EPS8L1: variants seen among roughly 807,000 people sequenced by gnomAD.
EPS8L1 encodes epidermal growth factor receptor kinase substrate 8-like protein 1.
A neutral mutation model predicts 91.7 loss-of-function variants in EPS8L1; 101 were observed. That is an observed-to-expected ratio of 1.10 (90% CI 0.94 to 1.30). The LOEUF is 1.30. EPS8L1 is among the 50% of genes most tolerant of loss of function. EPS8L1 has a pLI of 0.00. For synonymous variants in EPS8L1, 506 were observed against 445.3 expected (o/e 1.14, Z -1.72); for missense variants, 1,114 against 1,017.0 (o/e 1.10, Z -1.30).
chr19:55,086,731 C>T lies in EPS8L1; in HGVS notation c.1795C>T (p.Leu599Phe), dbSNP rs765322107. The part of the protein sequence containing the change: ...PSEKEKFSQM[L>F]IVNEELQARL... ...GCCTGCAGAGAAATTCTCCCAGATG[C>T]TCATCGTCAACGAGGAACTGCAGGC... The change falls in exon 18 of 20, where the codon CTC becomes TTC. Residue 599 changes from leucine to phenylalanine, a missense_variant. Transcript: ENST00000201647. 1.3e-6 allele frequency: 2 copies of T among 1,598,556 alleles called. No individual in the cohort carries two copies. The highest frequency in any genetic ancestry group is 2.3e-5 in the East Asian group (1 of 43,532).
In EPS8L1 at chr19:55,086,739, C is replaced by A; in HGVS notation, c.1803C>A (p.Val601=). Residue 601 remains valine (V), a synonymous_variant, in exon 18 of 20, where the codon GTC becomes GTA. Coordinates refer to ENST00000201647, the MANE Select transcript of EPS8L1 (RefSeq NM_133180.3). ...AGAAATTCTCCCAGATGCTCATCGT[C>A]AACGAGGAACTGCAGGCGCGCCTGG... ...EKEKFSQMLI[V]NEELQARLAQ... 1 of 1,610,066 alleles carries A rather than the reference C, an allele frequency of 6.2e-7. No individual in the cohort carries two copies. Among genetic ancestry groups the A allele is most frequent in the South Asian group, 1.1e-5 (1 of 90,824 alleles).
chr19:55,077,693 A>C (rs191462426), intron 2 of EPS8L1, among the ~76,000 whole-genome samples: 4 of 142,030 alleles, frequency 2.8e-5, no homozygotes, highest in African/African-American at 7.9e-5. Context: ...GGTTCAAGTG[A>C]TTCTCCTGCC....
Position 55,079,020 on chromosome 19 carries a change from C to T in EPS8L1, c.80C>T (p.Thr27Ile). 1 of 1,614,010 alleles carries T rather than the reference C, an allele frequency of 6.2e-7. No individual in the cohort carries two copies. The highest frequency in any genetic ancestry group is 8.5e-7 in the Non-Finnish European group (1 of 1,179,956). The change falls in exon 4 of 20, where the codon ACA (threonine) becomes ATA (isoleucine). Residue 27 changes from threonine (T) to isoleucine (I), a missense_variant. Thr to Ile is a moderately conservative substitution (Grantham distance 89, BLOSUM62 -1). Coordinates refer to ENST00000201647, the MANE Select transcript of EPS8L1 (RefSeq NM_133180.3). Reference sequence around the variant, plus strand: ...GCAGAGCAGAGGAAGCGTTACTCCACAGTTGTTATGGCTGATGTATCCCAG... The same window carrying T: ...GCAGAGCAGAGGAAGCGTTACTCCATAGTTGTTATGGCTGATGTATCCCAG... ...SIYEQRKRYS[T>I]VVMADVSQYP...
intron 12 of EPS8L1, among the ~76,000 whole-genome samples, chr19:55,082,929 A>G (rs1022775243): frequency 6.6e-6 from 1 of 152,014 alleles, no homozygotes; most frequent in Admixed American, 6.6e-5. Context: ...TTTGGTCTAT[A>G]ACTTTGGTGA....
In EPS8L1 at chr19:55,083,682, G is replaced by A. The variant is rs1280247600; in HGVS notation, c.1385+38G>A. 1 of 1,580,342 alleles carries A rather than the reference G, an allele frequency of 6.3e-7. No homozygotes were observed. The highest frequency in any genetic ancestry group is 1.2e-5 in the South Asian group (1 of 86,850). ...CCCAGGGCAGGGCAAGGGGGTCAAG[G>A]AGGGGTGCGTCCCGGGGGCTCCCGA... On this transcript the variant is annotated intron_variant, in intron 14 of 19. Coordinates refer to ENST00000201647, the MANE Select transcript of EPS8L1 (RefSeq NM_133180.3). This position sits in a 1 kb window ranked among gnomAD's most constrained non-coding sequence, Gnocchi z 4.7.
At position 55,081,610 on chromosome 19, in the gene EPS8L1, G is replaced by A. The variant is rs1208208993; in HGVS notation, c.774+118G>A. On this transcript the variant is annotated intron_variant, in intron 8 of 19. Coordinates refer to ENST00000201647, the MANE Select transcript of EPS8L1 (RefSeq NM_133180.3). The surrounding 1 kb of genome is among the most constrained non-coding windows in gnomAD (Gnocchi z 4.9). ...TTCTCTGGTCAGACTTCTGCGTTAT[G>A]GAAGAGGGGCTGGGTCGGGGGCGGG... 4 of 972,832 alleles carry A rather than the reference G, an allele frequency of 4.1e-6. No homozygotes were observed. The highest frequency in any genetic ancestry group is 4.3e-5 in the East Asian group (1 of 23,382). 60.3% of individuals were successfully genotyped at this position (972,832 alleles called of 1,614,324 possible).
In EPS8L1 at chr19:55,082,125, C is replaced by T. The variant is rs751356074; in HGVS notation, c.935C>T (p.Ser312Leu). ...CTGACGCTGCGGGCCAAGCCGCCCT[C>T]GGAGGCCGAGTACACCGACGTGCTG... ...GLLTLRAKPP[S>L]EAEYTDVLQK... Residue 312 changes from serine to leucine, a missense_variant, in exon 10 of 20, where the codon TCG becomes TTG. Transcript: ENST00000201647. The T allele has an allele frequency of 2.5e-6, 4 of 1,602,452 alleles. No individual in the cohort carries two copies. Among genetic ancestry groups the T allele is most frequent in the Non-Finnish European group, 3.4e-6 (4 of 1,175,166 alleles).
rs1293931637 is a variant in EPS8L1, at chr19:55,079,739, A to C, written c.167A>C (p.Glu56Ala). 6.2e-7 allele frequency: 1 copy of C among 1,614,008 alleles called. No homozygotes were observed. Among genetic ancestry groups the C allele is most frequent in the Non-Finnish European group, 8.5e-7 (1 of 1,180,026 alleles). Residue 56 changes from glutamate to alanine, a missense_variant, in exon 5 of 20, where the codon GAG (glutamate) becomes GCG (alanine). By Grantham distance (107) the Glu-to-Ala change is moderately radical (BLOSUM62 -1). Transcript: ENST00000201647. ...GAGGACGATGGCGTGCATACCGTGG[A>C]GGATGCCTCCAGGAAGTTGGCCGTC... ...LGEDDGVHTV[E>A]DASRKLAVMD...
At position 55,087,387 on chromosome 19, in the gene EPS8L1, G is replaced by A; in HGVS notation, c.2037G>A (p.Glu679=). 2 of 1,613,384 alleles carry A rather than the reference G, an allele frequency of 1.2e-6. No homozygotes were observed. The highest frequency in any genetic ancestry group is 1.7e-6 in the Non-Finnish European group (2 of 1,179,560). Residue 679 remains glutamate (E), a synonymous_variant, in exon 19 of 20, where the codon GAG becomes GAA. Transcript: ENST00000201647. ...KEELRAVSPE[E]GARVYSQVTV... is the part of the protein sequence containing the mutation. ...AGCTGCGGGCGGTGAGCCCCGAGGA[G>A]GGGGCACGTGTGTACAGCCAGGTCA...
At chr19:55,079,997 A>G (rs2076219500) in intron 5 of EPS8L1, 132 bp from the exon 6 acceptor site, 2 of 1,436,638 alleles carry the variant, frequency 1.4e-6, no homozygotes, top group Non-Finnish European at 1.8e-6. Flanking sequence ...AGCCTCATCT[A>G]TTAAACAGGG....
At chr19:55,084,783 G>T (rs2076339062) in intron 14 of EPS8L1, 1 of 152,156 alleles carries the variant, frequency 6.6e-6, no homozygotes, top group African/African-American at 2.4e-5. Flanking sequence ...GTTCTTTTTT[G>T]CAGGGAAACT....
chr19:55,086,412 A>ACCAGCC lies in EPS8L1; in HGVS notation c.1680_1685dup (p.Ala563_Pro564dup), dbSNP rs555054452. 3.2e-4 allele frequency: 506 copies of ACCAGCC among 1,564,954 alleles called. 1 individual carries two copies. In the African/African-American group the frequency reaches 5.8e-3, roughly 18 times the overall value. ...TTCAGAACAGCACTCCTCCTCCACCACCAGCCCCAGCCCCGGCCCCACCTC... is the reference window on the plus strand; with the variant it reads ...TTCAGAACAGCACTCCTCCTCCACCACCAGCCCCAGCCCCAGCCCCGGCCCCACCTC... On this transcript the variant is annotated inframe_insertion, in exon 17 of 20. Transcript: ENST00000201647.
chr19:55,082,288 G>A lies in EPS8L1; in HGVS notation c.1004G>A (p.Gly335Asp). 1 of 1,611,930 alleles carries A rather than the reference G, an allele frequency of 6.2e-7. No homozygotes were observed. The highest frequency in any genetic ancestry group is 1.1e-5 in the South Asian group (1 of 90,994). The change falls in exon 11 of 20, where the codon GGC becomes GAC. Residue 335 changes from glycine to aspartate, a missense_variant. By Grantham distance (94) the Gly-to-Asp change is moderately conservative. Transcript: ENST00000201647. ...YAFSLLARLR[G>D]NIADPSSPEL... ...CCCACGCCCCAGGCCCGGCTGCGCG[G>A]CAACATCGCCGACCCCTCCTCTCCG...
Position 55,086,067 on chromosome 19 carries a change from G to T in EPS8L1, c.1525G>T (p.Asp509Tyr). 6.3e-7 allele frequency: 1 copy of T among 1,594,788 alleles called. No individual in the cohort carries two copies. Among genetic ancestry groups the T allele is most frequent in the Non-Finnish European group, 8.6e-7 (1 of 1,167,452 alleles). Residue 509 changes from aspartate to tyrosine, a missense_variant, in exon 16 of 20, where the codon GAT (aspartate) becomes TAT (tyrosine). Coordinates refer to ENST00000201647, the MANE Select transcript of EPS8L1 (RefSeq NM_133180.3). ...TGTTCTTTACCACACCCAGGTCCTG[G>T]ATGACAGTCGTAAGTGGTGGAAGGT... ...VKQRDVLEVL[D>Y]DSRKWWKVRD...
rs1341522108 is a variant in EPS8L1, at chr19:55,081,911, C to T, written c.901+12C>T. The T allele has an allele frequency of 1.2e-6, 2 of 1,604,042 alleles. No individual in the cohort carries two copies. The highest frequency in any genetic ancestry group is 1.7e-4 in the Middle Eastern group (1 of 6,030). On this transcript the variant is annotated intron_variant, in intron 9 of 19. Transcript: ENST00000201647. This position sits in a 1 kb window ranked among gnomAD's most constrained non-coding sequence, Gnocchi z 4.9. The stretch of plus-strand genomic sequence containing the variant: ...CCGGGCGGCTGGGGGTAAGGGGCAC[C>T]CTGGCGTGGGATCTGAACCCCCTCC...
Position 55,081,451 on chromosome 19 carries a change from C to A in EPS8L1, c.733C>A (p.Arg245=). 6.2e-7 allele frequency: 1 copy of A among 1,602,962 alleles called. No individual in the cohort carries two copies. The highest frequency in any genetic ancestry group is 8.5e-7 in the Non-Finnish European group (1 of 1,175,872). ...CTCGGCCTCCCCGGACCTGGGTCCC[C>A]GGGGTCCTGACCTGGCGGTTCTGCA... ...ADSASPDLGP[R]GPDLAVLQAE... Residue 245 remains arginine, a synonymous_variant, in exon 8 of 20, where the codon CGG becomes AGG. Coordinates refer to ENST00000201647, the MANE Select transcript of EPS8L1 (RefSeq NM_133180.3). The surrounding 1 kb of genome is among the most constrained non-coding windows in gnomAD (Gnocchi z 4.9).
At chr19:55,082,698 A>G (rs1351120420) in intron 12 of EPS8L1, 96 bp downstream of exon 12, 1 of 1,216,242 alleles carries the variant, frequency 8.2e-7, no homozygotes, top group African/African-American at 1.5e-5. Context: ...TAGGACTAGG[A>G]GAGTAGGGAG....
At chr19:55,075,959 T>C in intron 1 of EPS8L1, 40 bp downstream of exon 1, 1 of 160,346 alleles carries the variant, frequency 6.2e-6, no homozygotes, top group South Asian at 1.7e-4. Context: ...GGCCGGGGCT[T>C]GACCAATGGG....
At position 55,079,011 on chromosome 19, in the gene EPS8L1, G is replaced by A. The variant is rs762520768; in HGVS notation, c.71G>A (p.Arg24His). 24 of 1,613,872 alleles carry A rather than the reference G, an allele frequency of 1.5e-5. No homozygotes were observed. The highest frequency in any genetic ancestry group is 5.3e-5 in the African/African-American group (4 of 74,854). The stretch of plus-strand genomic sequence containing the variant: ...TCTCCCCTGGCAGAGCAGAGGAAGC[G>A]TTACTCCACAGTTGTTATGGCTGAT... ...SAKSIYEQRKRYSTVVMADVS... is the reference protein window; with the variant it reads ...SAKSIYEQRKHYSTVVMADVS... The change falls in exon 4 of 20, where the codon CGT becomes CAT. Residue 24 changes from arginine (R) to histidine (H), a missense_variant. By Grantham distance (29) the Arg-to-His change is conservative. Coordinates refer to ENST00000201647, the MANE Select transcript of EPS8L1 (RefSeq NM_133180.3).
Sources: allele counts gnomAD v4.1 joint callset (sites outside exome capture counted in the v4.1 genomes callset), GRCh38; gene constraint gnomAD v4.1.1; non-coding constraint Gnocchi (gnomAD v3.1); transcripts MANE v1.5; gene names NCBI Gene and HGNC (gene_info 2026-07-23, HGNC 2026-07-21).